The following EML6 variants were observed in gnomAD, a reference collection of about 807,000 sequenced individuals.
The protein encoded by EML6 is echinoderm microtubule-associated protein-like 6.
In EML6, 154 loss-of-function variants were observed where a neutral mutation model predicts 240.1. The observed-to-expected ratio is 0.64, with a 90% CI of 0.56 to 0.73. The LOEUF is 0.73. Ranked by LOEUF, EML6 falls within the 30% of genes least tolerant of loss-of-function variation. The pLI, the probability that EML6 is intolerant of heterozygous loss-of-function variation, is 0.00. For missense variants in EML6, 2,964 were observed against 2,474.6 expected, an observed-to-expected ratio of 1.20 and a Z score of -4.20; for synonymous variants, 1,148 against 899.0, an observed-to-expected ratio of 1.28 and a Z score of -4.95.
chr2:54,928,762 G>T lies in EML6; in HGVS notation c.4004+11G>T. On this transcript the variant is annotated intron_variant, in intron 28 of 41. Coordinates refer to ENST00000356458, the MANE Select transcript of EML6 (RefSeq NM_001039753.4). ...TTCCGTGGAAGAAAGGTATGGTGTT[G>T]CCAGGTTTGCTTGCTTTTATTATAC... The T allele has an allele frequency of 1.3e-6, 2 of 1,551,674 alleles. No homozygotes were observed. The highest frequency in any genetic ancestry group is 1.7e-6 in the Non-Finnish European group (2 of 1,146,984).
chr2:54,867,080 C>G (rs1406736102), intron 14 of EML6, 196 bp downstream of exon 14: 2 of 430,290 alleles, frequency 4.6e-6, no homozygotes, highest in South Asian at 4.6e-5. Flanking sequence ...CGTTGATGTT[C>G]TGTGGCCATC....
intron 2 of EML6, among the ~76,000 whole-genome samples, chr2:54,736,641 T>C (rs1235982224): frequency 1.3e-5 from 2 of 152,312 alleles, no homozygotes; most frequent in East Asian, 1.9e-4. Context: ...GTGACCTCCA[T>C]TGCTAGGTGG....
At chr2:54,750,154 C>A (rs184756208) in intron 2 of EML6, among the ~76,000 whole-genome samples, 1 of 152,238 alleles carries the variant, frequency 6.6e-6, no homozygotes, top group African/African-American at 2.4e-5. Context: ...CCCCCTTGGC[C>A]TGGCTGCCCA....
chr2:54,830,156 C>G (rs1430229373), intron 7 of EML6, among the ~76,000 whole-genome samples: 1 of 152,190 alleles, frequency 6.6e-6, no homozygotes, highest in Non-Finnish European at 1.5e-5. Context: ...GAATACAATA[C>G]ATCTTTTAAA....
intron 21 of EML6, among the ~76,000 whole-genome samples, chr2:54,895,775 C>CT (rs199608964): frequency 6.6e-4 from 100 of 151,230 alleles, no homozygotes; most frequent in African/African-American, 2.0e-3. Context: ...GGACTAAAGG[C>CT]TTTTTTTTTT....
At chr2:54,944,353 G>T (rs1002778890) in intron 28 of EML6, among the ~76,000 whole-genome samples, 1 of 152,116 alleles carries the variant, frequency 6.6e-6, no homozygotes, top group Admixed American at 6.5e-5. Context: ...TATTGCCCTT[G>T]AGTTGCTTTT....
chr2:54,837,914 C>A (rs1440561922), intron 7 of EML6, among the ~76,000 whole-genome samples: 4 of 152,102 alleles, frequency 2.6e-5, no homozygotes, highest in African/African-American at 2.4e-5. Flanking sequence ...CATATCAGGC[C>A]TTGGAACATG....
chr2:54,796,175 C>T (rs538235114), intron 2 of EML6, among the ~76,000 whole-genome samples: 58 of 152,270 alleles, frequency 3.8e-4, no homozygotes, highest in Admixed American at 1.4e-3. Context: ...GATATCATAT[C>T]TATCTATGAC....
intron 15 of EML6, among the ~76,000 whole-genome samples, chr2:54,870,163 G>A (rs1219160693): frequency 6.6e-6 from 1 of 152,168 alleles, no homozygotes; most frequent in Admixed American, 6.5e-5. Context: ...GTTAACATGA[G>A]ACAAGCCCTT....
At chr2:54,775,282 C>T (rs1194779093) in intron 2 of EML6, among the ~76,000 whole-genome samples, 1 of 152,240 alleles carries the variant, frequency 6.6e-6, no homozygotes, top group Non-Finnish European at 1.5e-5. Context: ...CAGGCACTGG[C>T]CCCTAGCCAC....
rs140759491 is a variant in EML6 at position 54,874,365 on chromosome 2, C to T, written c.2344+2760C>T. ...GATACTCTGGAGGAGGTGAGGAGCCCGATTCTGTAACTGCTTCTGATTCCC... is the reference window on the plus strand; with the variant it reads ...GATACTCTGGAGGAGGTGAGGAGCCTGATTCTGTAACTGCTTCTGATTCCC... On this transcript the variant is annotated intron_variant, in intron 16 of 41. Transcript: ENST00000356458. Among the ~76,000 whole-genome samples, 237 of 152,238 alleles carry T rather than the reference C, an allele frequency of 1.6e-3. 1 individual carries two copies. The highest frequency in any genetic ancestry group is 3.5e-3 in the South Asian group (17 of 4,826).
intron 13 of EML6, 89 bp from the exon 14 acceptor site, chr2:54,866,677 A>C: frequency 1.6e-6 from 1 of 630,344 alleles, no homozygotes. Flanking sequence ...TATTGAAGCA[A>C]TTAAAGATTT....
Position 54,964,113 on chromosome 2 carries a change from T to C in EML6, c.5285T>C (p.Val1762Ala). ...FVILLVNSLK[V>A]WGKKRDRKSA... ...ATCTTGTTGGTGAACAGCCTGAAAG[T>C]TTGGGGGAAAAAACGAGACCGGAAA... Residue 1762 changes from valine to alanine, a missense_variant, in exon 37 of 42, where the codon GTT becomes GCT. Transcript: ENST00000356458. The C allele has an allele frequency of 6.4e-7, 1 of 1,551,408 alleles. No individual in the cohort carries two copies. Among genetic ancestry groups the C allele is most frequent in the Non-Finnish European group, 8.7e-7 (1 of 1,146,912 alleles).
At position 54,813,244 on chromosome 2, in the gene EML6, C is replaced by G; in HGVS notation, c.210C>G (p.His70Gln). ...TTTTCTCTTTCAGCCTTGCCTTACA[C>G]CCAGACAAAACTCTCGTTGCAACTG... is the stretch of plus-strand genomic sequence containing the variant. ...HNDDIISLAL[H>Q]PDKTLVATGQ... Residue 70 changes from histidine to glutamine, a missense_variant, in exon 3 of 42, where the codon CAC (histidine) becomes CAG (glutamine). Transcript: ENST00000356458. 6.5e-7 allele frequency: 1 copy of G among 1,549,818 alleles called. No homozygotes were observed. Among genetic ancestry groups the G allele is most frequent in the Non-Finnish European group, 8.7e-7 (1 of 1,146,028 alleles).
At chr2:54,759,184 C>T (rs1032113693) in intron 2 of EML6, among the ~76,000 whole-genome samples, 5 of 149,774 alleles carry the variant, frequency 3.3e-5, no homozygotes, top group African/African-American at 1.2e-4. Flanking sequence ...AGCATGTCTT[C>T]TTTTCAGGTA....
chr2:54,757,555 C>T (rs1007612388), intron 2 of EML6, among the ~76,000 whole-genome samples: 12 of 152,152 alleles, frequency 7.9e-5, no homozygotes, highest in Non-Finnish European at 1.0e-4. Flanking sequence ...ACAAGGCCGC[C>T]GACTCACTTA....
In EML6 at chr2:54,774,832, T is replaced by A. The variant is rs1668530580; in HGVS notation, c.198-38400T>A. 6.6e-6 allele frequency among the ~76,000 whole-genome samples: 1 copy of A among 152,264 alleles called. No individual in the cohort carries two copies. The highest frequency in any genetic ancestry group is 1.5e-5 in the Non-Finnish European group (1 of 68,040). ...ATTGGTCTTTAGTCAATGCTTCTCC[T>A]AATGACTTGCATTAGAAAAGATAGT... On this transcript the variant is annotated intron_variant, in intron 2 of 41. Coordinates refer to ENST00000356458, the MANE Select transcript of EML6 (RefSeq NM_001039753.4). This position sits in a 1 kb window ranked among gnomAD's most constrained non-coding sequence, Gnocchi z 4.1.
intron 35 of EML6, among the ~76,000 whole-genome samples, chr2:54,961,775 C>T (rs1676526931): frequency 6.6e-6 from 1 of 151,812 alleles, no homozygotes; most frequent in African/African-American, 2.4e-5. Context: ...GGCCAAGAGG[C>T]AGGCACATCA....
In EML6 at chr2:54,899,686, C is replaced by T; in HGVS notation, c.3028C>T (p.Leu1010=). Residue 1010 remains leucine, a synonymous_variant, in exon 22 of 42, where the codon CTG becomes TTG. Coordinates refer to ENST00000356458, the MANE Select transcript of EML6 (RefSeq NM_001039753.4). ...GTGGGGGTTGGCAGCTCACCCTCTC[C>T]TGCCCATCTGTGCAACAGTGAGCGA... ...EVWGLAAHPL[L]PICATVSDDK... The T allele has an allele frequency of 1.9e-6, 3 of 1,553,888 alleles. No homozygotes were observed. Among genetic ancestry groups the T allele is most frequent in the Middle Eastern group, 1.7e-4 (1 of 5,998 alleles).
Sources: allele counts gnomAD v4.1 joint callset (sites outside exome capture counted in the v4.1 genomes callset), GRCh38; gene constraint gnomAD v4.1.1; non-coding constraint Gnocchi (gnomAD v3.1); transcripts MANE v1.5; gene names NCBI Gene and HGNC (gene_info 2026-07-23, HGNC 2026-07-21).